COMMD10: variants seen among roughly 807,000 people sequenced by gnomAD.
The protein encoded by COMMD10 is COMM domain containing 10.
COMMD10 carries 33 observed loss-of-function variants against 28.9 expected under a neutral mutation model. That is an observed-to-expected ratio of 1.14 (90% CI 0.87 to 1.53). COMMD10 has a LOEUF of 1.53. Ranked by LOEUF, COMMD10 falls within the 40% of genes most tolerant of loss-of-function variation. COMMD10 has a pLI of 0.00. For synonymous variants in COMMD10, 110 were observed against 81.7 expected, an observed-to-expected ratio of 1.35 and a Z score of -1.87; for missense variants, 310 against 233.4, an observed-to-expected ratio of 1.33 and a Z score of -2.14.
intron 5 of COMMD10, among the ~76,000 whole-genome samples, chr5:116,262,289 A>G (rs1245830481): frequency 2.6e-5 from 4 of 151,828 alleles, no homozygotes; most frequent in Non-Finnish European, 4.4e-5. Flanking sequence ...TCAGTTAAAA[A>G]TATAGTTTTC....
chr5:116,160,294 A>C (rs1752873777), intron 5 of COMMD10, among the ~76,000 whole-genome samples: 1 of 152,232 alleles, frequency 6.6e-6, no homozygotes, highest in Non-Finnish European at 1.5e-5. Context: ...TTTTTAAAAA[A>C]TATAAATTTA....
intron 5 of COMMD10, among the ~76,000 whole-genome samples, chr5:116,218,541 C>T (rs1191781224): frequency 6.6e-6 from 1 of 152,126 alleles, no homozygotes; most frequent in Non-Finnish European, 1.5e-5. Context: ...CAGCAAAATG[C>T]AATTTTCTAA....
intron 4 of COMMD10, 144 bp downstream of exon 4, chr5:116,092,844 C>A (rs570575160): frequency 2.0e-6 from 1 of 503,600 alleles, no homozygotes; most frequent in Non-Finnish European, 3.4e-6. Context: ...TTACAATGGC[C>A]TTACATCCTG....
intron 5 of COMMD10, among the ~76,000 whole-genome samples, chr5:116,282,195 C>T (rs954711822): frequency 4.6e-5 from 7 of 151,894 alleles, no homozygotes; most frequent in South Asian, 2.1e-4. Context: ...ATTTTTGACT[C>T]GTTTTATTTT....
At chr5:116,181,376 A>G (rs932632783) in intron 5 of COMMD10, among the ~76,000 whole-genome samples, 4 of 150,774 alleles carry the variant, frequency 2.7e-5, no homozygotes, top group Non-Finnish European at 4.4e-5. Flanking sequence ...TATATCTTCT[A>G]TCTTCTGAAG....
chr5:116,277,353 T>A (rs146694471), intron 5 of COMMD10, among the ~76,000 whole-genome samples: 2 of 151,908 alleles, frequency 1.3e-5, no homozygotes, highest in Non-Finnish European at 2.9e-5. Context: ...ATCAGGTAAT[T>A]AGGTTAGCAG....
chr5:116,194,634 C>T (rs561749008), intron 5 of COMMD10, among the ~76,000 whole-genome samples: 1 of 152,186 alleles, frequency 6.6e-6, no homozygotes, highest in East Asian at 1.9e-4. Flanking sequence ...GAATTGGATT[C>T]CTTGAACAGA....
chr5:116,220,513 T>A (rs147122089), intron 5 of COMMD10, among the ~76,000 whole-genome samples: 193 of 152,140 alleles, frequency 1.3e-3, no homozygotes, highest in African/African-American at 3.7e-3. Context: ...TCTGTATAGG[T>A]CAGAGTTTCT....
intron 2 of COMMD10, among the ~76,000 whole-genome samples, 179 bp downstream of exon 2, chr5:116,087,766 A>G (rs1447524952): frequency 1.3e-5 from 2 of 152,260 alleles, no homozygotes; most frequent in African/African-American, 2.4e-5. Flanking sequence ...TGTCTTCAAT[A>G]AAGTTAAATG....
chr5:116,100,756 A>G (rs1389766800), intron 4 of COMMD10, among the ~76,000 whole-genome samples: 1 of 152,050 alleles, frequency 6.6e-6, no homozygotes, highest in South Asian at 2.1e-4. Context: ...TCTCACTTTA[A>G]TACGTCTGTT....
intron 5 of COMMD10, among the ~76,000 whole-genome samples, chr5:116,172,379 A>G (rs1753364425): frequency 6.6e-6 from 1 of 152,086 alleles, no homozygotes; most frequent in Admixed American, 6.6e-5. Context: ...TACTATGATG[A>G]TACTAATTGT....
rs192629058 is a variant in COMMD10, at chr5:116,165,555, G to A, written c.510+31377G>A. ...AGGGCTGTCTTTCTAGCTTGTAGAT[G>A]CCTGTCTGCCTTGTCTTCACATGAT... On this transcript the variant is annotated intron_variant, in intron 5 of 6. Coordinates refer to ENST00000274458, the MANE Select transcript of COMMD10 (RefSeq NM_016144.4). Among the ~76,000 whole-genome samples the A allele has an allele frequency of 9.9e-5, 15 of 152,108 alleles. No individual in the cohort carries two copies. The East Asian group carries it at 2.1e-3, about 22-fold the overall frequency.
At chr5:116,230,549 G>C (rs1192647326) in intron 5 of COMMD10, among the ~76,000 whole-genome samples, 1 of 152,064 alleles carries the variant, frequency 6.6e-6, no homozygotes. Flanking sequence ...CACGATGTTA[G>C]TGAAAATTTG....
intron 4 of COMMD10, among the ~76,000 whole-genome samples, chr5:116,108,710 A>G (rs1045134086): frequency 5.3e-5 from 8 of 150,678 alleles, no homozygotes; most frequent in Admixed American, 1.3e-4. Flanking sequence ...ATTCACTGGC[A>G]TTCCAGGTGC....
At position 116,195,159 on chromosome 5, in the gene COMMD10, G is replaced by A. The variant is rs564414354; in HGVS notation, c.510+60981G>A. Among the ~76,000 whole-genome samples, 315 of 152,106 alleles carry A rather than the reference G, an allele frequency of 2.1e-3. 3 individuals are homozygous for A. Among genetic ancestry groups the A allele is most frequent in the African/African-American group, 7.2e-3 (298 of 41,534 alleles). ...TCAACAAAATCGGCATACAAGGGAC[G>A]TACCATAATGTAATAAAAGCCATCA... On this transcript the variant is annotated intron_variant, in intron 5 of 6. Transcript: ENST00000274458.
At chr5:116,233,662 G>A (rs1358430352) in intron 5 of COMMD10, among the ~76,000 whole-genome samples, 1 of 152,116 alleles carries the variant, frequency 6.6e-6, no homozygotes, top group Admixed American at 6.5e-5. Context: ...TAAACCACGA[G>A]GAATGTTCTG....
At chr5:116,210,676 C>T (rs1346231468) in intron 5 of COMMD10, among the ~76,000 whole-genome samples, 1 of 152,046 alleles carries the variant, frequency 6.6e-6, no homozygotes, top group Non-Finnish European at 1.5e-5. Flanking sequence ...TTTCTACTTT[C>T]AGAATATATG....
At position 116,200,313 on chromosome 5, in the gene COMMD10, A is replaced by C. The variant is rs11738383; in HGVS notation, c.510+66135A>C. ...ATGTAATTATCTTTGCTCCTCTGTAAGTAAGGTGTTTTTTTCACCACTTTG... is the reference window on the plus strand; with the variant it reads ...ATGTAATTATCTTTGCTCCTCTGTACGTAAGGTGTTTTTTTCACCACTTTG... On this transcript the variant is annotated intron_variant, in intron 5 of 6. Transcript: ENST00000274458. Among the ~76,000 whole-genome samples the C allele has an allele frequency of 5.4e-3, 823 of 152,010 alleles. 6 individuals are homozygous for C. The highest frequency in any genetic ancestry group is 9.1e-3 in the Non-Finnish European group (619 of 67,962).
At chr5:116,248,633 A>G (rs528699622) in intron 5 of COMMD10, among the ~76,000 whole-genome samples, 2 of 152,064 alleles carry the variant, frequency 1.3e-5, no homozygotes, top group African/African-American at 2.4e-5. Context: ...GGCCTTCTGT[A>G]TAGCAGTTAT....
Sources: allele counts gnomAD v4.1 joint callset (sites outside exome capture counted in the v4.1 genomes callset), GRCh38; gene constraint gnomAD v4.1.1; transcripts MANE v1.5; gene names NCBI Gene and HGNC (gene_info 2026-07-23, HGNC 2026-07-21).